The following PCDHGA9 variants were observed in gnomAD, a reference collection of about 807,000 sequenced individuals.
PCDHGA9 encodes protocadherin gamma-A9.
Under a neutral mutation model 62.5 loss-of-function variants are expected in PCDHGA9, and 37 were observed. The ratio of observed to expected loss-of-function variants is 0.59; its 90% CI spans 0.46 to 0.78. The LOEUF (loss-of-function observed/expected upper bound fraction) is 0.78. PCDHGA9 is among the 30% of genes least tolerant of loss of function. The pLI is 0.00. For missense variants in PCDHGA9, 1,138 were observed against 1,166.2 expected, an observed-to-expected ratio of 0.98 and a Z score of 0.35; for synonymous variants, 459 against 484.6, an observed-to-expected ratio of 0.95 and a Z score of 0.69.
At position 141,431,316 on chromosome 5, in the gene PCDHGA9, C is replaced by T; in HGVS notation, c.2424+25940C>T. 6.2e-7 allele frequency: 1 copy of T among 1,614,104 alleles called. No individual in the cohort carries two copies. The highest frequency in any genetic ancestry group is 8.5e-7 in the Non-Finnish European group (1 of 1,180,046). The stretch of plus-strand genomic sequence containing the variant: ...TTCTCCCTCATCGTGCAAAATGGAG[C>T]CGACGGTAGTAAGTACCCCGAATTG... On this transcript the variant is annotated intron_variant, in intron 1 of 3. Transcript: ENST00000573521. The surrounding 1 kb of genome is among the most constrained non-coding windows in gnomAD (Gnocchi z 4.8).
chr5:141,442,796 T>G (rs909745554), intron 1 of PCDHGA9, among the ~76,000 whole-genome samples: 16 of 152,326 alleles, frequency 1.1e-4, no homozygotes, highest in African/African-American at 3.8e-4. Context: ...AATTTTACTT[T>G]GATATTCAAA....
At chr5:141,440,912 G>A (rs1281398967) in intron 1 of PCDHGA9, 1 of 152,254 alleles carries the variant, frequency 6.6e-6, no homozygotes, top group African/African-American at 2.4e-5. Context: ...GGGCACTCCT[G>A]TGCTGAGAGT....
At chr5:141,460,849 G>A (rs908955373) in intron 1 of PCDHGA9, among the ~76,000 whole-genome samples, 1 of 150,224 alleles carries the variant, frequency 6.7e-6, no homozygotes, top group Non-Finnish European at 1.5e-5. Flanking sequence ...CCTCCAGTTC[G>A]ATCCAAGTTG....
chr5:141,422,228 T>C (rs1561800204), intron 1 of PCDHGA9: 1 of 1,565,566 alleles, frequency 6.4e-7, no homozygotes, highest in Non-Finnish European at 8.6e-7. Flanking sequence ...ACCACGACGA[T>C]GTTGATCACT....
chr5:141,501,635 T>G (rs553343946), intron 2 of PCDHGA9, among the ~76,000 whole-genome samples: 1 of 152,236 alleles, frequency 6.6e-6, no homozygotes, highest in African/African-American at 2.4e-5. Flanking sequence ...TCTCAACCTC[T>G]CTGAGCCCTG....
intron 2 of PCDHGA9, among the ~76,000 whole-genome samples, chr5:141,497,050 G>A (rs113054804): frequency 6.6e-5 from 10 of 152,096 alleles, no homozygotes; most frequent in East Asian, 5.8e-4. Context: ...TTAGCCAGGC[G>A]TGGTGGCAGG....
intron 3 of PCDHGA9, 69 bp from the exon 4 acceptor site, chr5:141,510,878 G>A (rs896348248): frequency 6.2e-7 from 1 of 1,610,438 alleles, no homozygotes; most frequent in African/African-American, 1.3e-5. Context: ...TTAACTGCTG[G>A]GGATATAAGA....
chr5:141,427,723 G>A, intron 1 of PCDHGA9: 1 of 1,127,490 alleles, frequency 8.9e-7, no homozygotes, highest in Non-Finnish European at 1.3e-6. Context: ...CTGGACCTAG[G>A]GCTGAATGGC....
chr5:141,509,144 G>C (rs969990007), intron 3 of PCDHGA9, among the ~76,000 whole-genome samples: 14 of 152,114 alleles, frequency 9.2e-5, no homozygotes, highest in Admixed American at 2.0e-4. Context: ...GGCGCATCCC[G>C]GCTCTCCCCT....
chr5:141,456,093 T>G (rs1362649283), intron 1 of PCDHGA9, among the ~76,000 whole-genome samples: 1 of 151,986 alleles, frequency 6.6e-6, no homozygotes, highest in Non-Finnish European at 1.5e-5. Context: ...GAGACGGGAT[T>G]TCACCGTGTT....
chr5:141,486,745 C>T lies in PCDHGA9; in HGVS notation c.2425-8062C>T, dbSNP rs1167986336. On this transcript the variant is annotated intron_variant, in intron 1 of 3. Coordinates refer to ENST00000573521, the MANE Select transcript of PCDHGA9 (RefSeq NM_018921.3). This position sits in a 1 kb window ranked among gnomAD's most constrained non-coding sequence, Gnocchi z 5.0. ...CTGTTCATGCTACTCGATCCTTTGA[C>T]TATGAGCAAACCCAGACACTGCAGT... 3.1e-6 allele frequency: 5 copies of T among 1,614,226 alleles called. No homozygotes were observed. The highest frequency in any genetic ancestry group is 3.4e-6 in the Non-Finnish European group (4 of 1,180,044).
At chr5:141,420,250 A>G (rs757203976) in intron 1 of PCDHGA9, 2 of 1,578,784 alleles carry the variant, frequency 1.3e-6, no homozygotes, top group South Asian at 1.2e-5. Context: ...CCAGCGTTGA[A>G]GCAGATAAGA....
chr5:141,405,047 G>A lies in PCDHGA9; in HGVS notation c.2095G>A (p.Val699Ile). The A allele has an allele frequency of 2.5e-6, 4 of 1,613,944 alleles. No individual in the cohort carries two copies. The highest frequency in any genetic ancestry group is 2.5e-6 in the Non-Finnish European group (3 of 1,179,838). The change falls in exon 1 of 4, where the codon GTC becomes ATC. Residue 699 changes from valine to isoleucine, a missense_variant. Coordinates refer to ENST00000573521, the MANE Select transcript of PCDHGA9 (RefSeq NM_018921.3). ...CCTCTACCTCGTTGTGGCTGTGGCA[G>A]TCGTCTCCTGTGTCTTCCTCACCTT... ...LTLYLVVAVAVVSCVFLTFVI... is the reference protein window; with the variant it reads ...LTLYLVVAVAIVSCVFLTFVI...
intron 1 of PCDHGA9, chr5:141,418,539 A>C (rs984639830): frequency 6.2e-7 from 1 of 1,614,034 alleles, no homozygotes; most frequent in East Asian, 2.2e-5. Flanking sequence ...GGTACTGCTC[A>C]GATAAGAATC....
At position 141,476,418 on chromosome 5, in the gene PCDHGA9, T is replaced by C. The variant is rs201255025; in HGVS notation, c.2425-18389T>C. On this transcript the variant is annotated intron_variant, in intron 1 of 3. Transcript: ENST00000573521. This position sits in a 1 kb window ranked among gnomAD's most constrained non-coding sequence, Gnocchi z 7.6. The stretch of plus-strand genomic sequence containing the variant: ...GATCGAGAGGAGCTGTGTGGGACAC[T>C]GCCCTCTTGCACTGTAACTCTGGAG... 6.2e-7 allele frequency: 1 copy of C among 1,614,122 alleles called. No individual in the cohort carries two copies. Among genetic ancestry groups the C allele is most frequent in the Non-Finnish European group, 8.5e-7 (1 of 1,180,002 alleles).
Position 141,404,152 on chromosome 5 carries a change from T to C in PCDHGA9, c.1200T>C (p.Asp400=), listed in dbSNP as rs769503668. 31 of 1,612,848 alleles carry C rather than the reference T, an allele frequency of 1.9e-5. No homozygotes were observed. Among genetic ancestry groups the C allele is most frequent in the Non-Finnish European group, 2.0e-5 (24 of 1,179,360 alleles). ...LSFTLENSEE[D]YYRLLTAQIL... is the part of the protein sequence containing the mutation. ...TTACATTAGAAAATTCAGAAGAAGA[T>C]TATTACAGATTGTTGACGGCCCAAA... Residue 400 remains aspartate, a synonymous_variant, in exon 1 of 4, where the codon GAT becomes GAC. Coordinates refer to ENST00000573521, the MANE Select transcript of PCDHGA9 (RefSeq NM_018921.3).
Position 141,476,443 on chromosome 5 carries a change from G to A in PCDHGA9, c.2425-18364G>A, listed in dbSNP as rs752285213. 1 of 1,614,044 alleles carries A rather than the reference G, an allele frequency of 6.2e-7. No individual in the cohort carries two copies. The highest frequency in any genetic ancestry group is 8.5e-7 in the Non-Finnish European group (1 of 1,180,038). ...TGCCCTCTTGCACTGTAACTCTGGAGTTGGTAGTGGAGAACCCGCTGGAGC... is the reference window on the plus strand; with the variant it reads ...TGCCCTCTTGCACTGTAACTCTGGAATTGGTAGTGGAGAACCCGCTGGAGC... On this transcript the variant is annotated intron_variant, in intron 1 of 3. Transcript: ENST00000573521. This position sits in a 1 kb window ranked among gnomAD's most constrained non-coding sequence, Gnocchi z 7.6.
chr5:141,509,645 G>C (rs138497208), intron 3 of PCDHGA9, among the ~76,000 whole-genome samples: 8 of 152,338 alleles, frequency 5.3e-5, no homozygotes, highest in African/African-American at 1.9e-4. Context: ...GCCAGGGCCA[G>C]AGTGTGGACT....
In PCDHGA9 at chr5:141,486,444, T is replaced by C. The variant is rs769032995; in HGVS notation, c.2425-8363T>C. 2 of 1,614,086 alleles carry C rather than the reference T, an allele frequency of 1.2e-6. No individual in the cohort carries two copies. On this transcript the variant is annotated intron_variant, in intron 1 of 3. Transcript: ENST00000573521. This position sits in a 1 kb window ranked among gnomAD's most constrained non-coding sequence, Gnocchi z 5.0. ...GAGGCCAAATCTAGCTATGACATCA[T>C]GGTCACTGCTTCTGATGCTGGGAAC...
Sources: gnomAD v4.1 joint callset for allele counts (sites outside exome capture counted in the v4.1 genomes callset) on GRCh38, gnomAD v4.1.1 for gene constraint, Gnocchi (gnomAD v3.1) non-coding constraint, MANE v1.5 for transcripts, NCBI Gene and HGNC (gene_info 2026-07-23, HGNC 2026-07-21) for gene names.